FUT8: variants seen among roughly 807,000 people sequenced by gnomAD.
The protein encoded by FUT8 is alpha-(1,6)-fucosyltransferase.
In FUT8, 29 loss-of-function variants were observed where a neutral mutation model predicts 71.3. That is an observed-to-expected ratio of 0.41 (90% confidence interval 0.30 to 0.55). The LOEUF (loss-of-function observed/expected upper bound fraction) is 0.55. Among genes scored for constraint, FUT8 ranks in the 20% least tolerant of loss-of-function variants. The pLI is 0.34. For synonymous variants in FUT8, 254 were observed against 239.3 expected (o/e 1.06, Z -0.57); for missense variants, 544 against 702.1 (o/e 0.77, Z 2.55).
intron 6 of FUT8, among the ~76,000 whole-genome samples, chr14:65,632,268 T>G (rs573687479): frequency 1.3e-5 from 2 of 152,350 alleles, no homozygotes; most frequent in African/African-American, 4.8e-5. Context: ...GATCAAATGG[T>G]AGCTCTACTT....
chr14:65,385,325 C>G, the FUT8 span, among the ~76,000 whole-genome samples: 1 of 150,316 alleles, frequency 6.7e-6, no homozygotes, highest in Non-Finnish European at 1.5e-5. Flanking sequence ...AAAAACTTTT[C>G]TTTAATTTTT....
chr14:65,697,286 G>C lies in FUT8; in HGVS notation c.836-24489G>C, dbSNP rs1894043031. 4.6e-5 allele frequency among the ~76,000 whole-genome samples: 7 copies of C among 152,100 alleles called. No individual in the cohort carries two copies. The South Asian group carries it at 1.5e-3, about 32-fold the overall frequency. ...CTTGTTTTTGTCTCCCTTGTCTTTA[G>C]GCCTTTTAGAGACTCCTGAAATAGG... On this transcript the variant is annotated intron_variant, in intron 7 of 10. Coordinates refer to ENST00000673929, the MANE Select transcript of FUT8 (RefSeq NM_001371533.1).
chr14:65,717,527 G>T (rs1169322127), intron 7 of FUT8, among the ~76,000 whole-genome samples: 1 of 114,052 alleles, frequency 8.8e-6, no homozygotes, highest in Non-Finnish European at 1.8e-5. Context: ...GACGAAGGGC[G>T]GCCGGGCAGA....
Position 65,615,988 on chromosome 14 carries a change from G to C in FUT8, c.214G>C (p.Gly72Arg). 6.2e-7 allele frequency: 1 copy of C among 1,611,322 alleles called. No homozygotes were observed. Among genetic ancestry groups the C allele is most frequent in the Non-Finnish European group, 8.5e-7 (1 of 1,178,130 alleles). The part of the protein sequence containing the change: ...RMAESLRIPE[G>R]PIDQGPAIGR... ...TTCCCTAAACTACAGGATACCAGAA[G>C]GCCCTATTGATCAGGGGCCAGCTAT... Residue 72 changes from glycine (G) to arginine (R), a missense_variant, in exon 4 of 11, where the codon GGC (glycine) becomes CGC (arginine). By Grantham distance (125) the Gly-to-Arg change is moderately radical. Coordinates refer to ENST00000673929, the MANE Select transcript of FUT8 (RefSeq NM_001371533.1).
chr14:65,439,603 A>G (rs1233544546), intron 1 of FUT8, among the ~76,000 whole-genome samples: 1 of 152,126 alleles, frequency 6.6e-6, no homozygotes, highest in Non-Finnish European at 1.5e-5. Flanking sequence ...GCTGGTACAT[A>G]ATTCATACTG....
chr14:65,488,564 GA>G (rs2066441497), intron 2 of FUT8: 1 of 152,186 alleles, frequency 6.6e-6, no homozygotes, highest in Non-Finnish European at 1.5e-5. Flanking sequence ...TTGTCTTTAT[GA>G]GGTACATTTT....
At chr14:65,699,066 A>G (rs1352182917) in intron 7 of FUT8, among the ~76,000 whole-genome samples, 1 of 151,972 alleles carries the variant, frequency 6.6e-6, no homozygotes, top group East Asian at 1.9e-4. Flanking sequence ...TTAACTCTCC[A>G]CAGCCCATCT....
chr14:65,505,711 G>A (rs11846860), intron 2 of FUT8, among the ~76,000 whole-genome samples: 10,125 of 152,068 alleles, frequency 0.067, 383 homozygotes, highest in Admixed American at 0.11. Flanking sequence ...AACTTTTATA[G>A]TATTTTCTGT....
chr14:65,430,990 ATTT>A (rs5809273), intron 1 of FUT8, among the ~76,000 whole-genome samples: 2 of 127,020 alleles, frequency 1.6e-5, no homozygotes, highest in African/African-American at 3.0e-5. Flanking sequence ...TTTTCTACTA[ATTT>A]TTTTTTTTTT....
At chr14:65,599,240 C>T (rs1888168408) in intron 3 of FUT8, among the ~76,000 whole-genome samples, 1 of 152,070 alleles carries the variant, frequency 6.6e-6, no homozygotes, top group Admixed American at 6.5e-5. Context: ...GTATCAGTAT[C>T]AGGCATATAA....
Position 65,546,879 on chromosome 14 carries a change from C to T in FUT8, c.-227-14458C>T, listed in dbSNP as rs900373224. On this transcript the variant is annotated intron_variant, in intron 2 of 10. Transcript: ENST00000673929. ...TTCTTCATGGGAAGATTTACAAATA[C>T]GCATTCAACTTCCTTAAGCTTTAAG... 3.3e-5 allele frequency among the ~76,000 whole-genome samples: 5 copies of T among 151,792 alleles called. 1 individual carries two copies. In the East Asian group the frequency reaches 5.8e-4, roughly 18 times the overall value.
At chr14:65,615,892 A>C in intron 3 of FUT8, 86 bp from the exon 4 acceptor site, 1 of 878,798 alleles carries the variant, frequency 1.1e-6, no homozygotes, top group Non-Finnish European at 1.8e-6. Context: ...TATGGAGTTT[A>C]CAGTATAAAT....
chr14:65,632,608 G>T (rs1890251749), intron 6 of FUT8, among the ~76,000 whole-genome samples: 1 of 152,042 alleles, frequency 6.6e-6, no homozygotes, highest in Admixed American at 6.6e-5. Context: ...TGTAGATTCT[G>T]TGTATTAGTC....
intron 7 of FUT8, among the ~76,000 whole-genome samples, chr14:65,681,524 T>C (rs1021035808): frequency 3.9e-5 from 6 of 152,330 alleles, no homozygotes; most frequent in African/African-American, 1.4e-4. Flanking sequence ...TAAAAGACTT[T>C]AAAGATTTTT....
chr14:65,717,708 C>T (rs543899825), intron 7 of FUT8, among the ~76,000 whole-genome samples: 166 of 135,332 alleles, frequency 1.2e-3, no homozygotes, highest in African/African-American at 3.8e-3. Flanking sequence ...ACTTCCCAGA[C>T]GGGGCAGCTG....
At chr14:65,658,356 C>T (rs748745490) in intron 6 of FUT8, among the ~76,000 whole-genome samples, 8 of 152,104 alleles carry the variant, frequency 5.3e-5, no homozygotes, top group Non-Finnish European at 1.2e-4. Context: ...TAAAATGGTA[C>T]AGCCATTCTA....
chr14:65,644,315 G>A (rs1038916119), intron 6 of FUT8, among the ~76,000 whole-genome samples: 5 of 151,624 alleles, frequency 3.3e-5, no homozygotes, highest in African/African-American at 1.2e-4. Flanking sequence ...TTTTGAGACG[G>A]AGTCTCACTC....
chr14:65,717,828 C>G (rs1001680538), intron 7 of FUT8, among the ~76,000 whole-genome samples: 9 of 152,190 alleles, frequency 5.9e-5, no homozygotes, highest in Non-Finnish European at 1.0e-4. Flanking sequence ...TTCTTTGTCC[C>G]TTTTTATAGT....
intron 1 of FUT8, among the ~76,000 whole-genome samples, chr14:65,433,850 A>G (rs2139441769): frequency 6.7e-6 from 1 of 148,648 alleles, no homozygotes; most frequent in African/African-American, 2.5e-5. Context: ...CACAGTGGCT[A>G]TTCACAGATG....
Sources: allele counts gnomAD v4.1 joint callset (sites outside exome capture counted in the v4.1 genomes callset), GRCh38; gene constraint gnomAD v4.1.1; transcripts MANE v1.5; gene names NCBI Gene and HGNC (gene_info 2026-07-23, HGNC 2026-07-21).